Variants in ATM observed in about 807,000 individuals in gnomAD.
ATM encodes ATM serine/threonine kinase, also known as serine-protein kinase ATM.
ATM carries 308 observed loss-of-function variants against 387.0 expected under a neutral mutation model. The ratio of observed to expected loss-of-function variants is 0.80; its 90% CI spans 0.73 to 0.87. The LOEUF is 0.87. ATM is among the 40% of genes least tolerant of loss of function. The pLI, the probability that ATM is intolerant of heterozygous loss-of-function variation, is 0.00. For synonymous variants in ATM, 1,156 were observed against 1,187.3 expected (o/e 0.97, Z 0.54); for missense variants, 3,312 against 3,560.9 (o/e 0.93, Z 1.78).
intron 4 of ATM, chr11:108,230,880 T>C (rs1565349637): frequency 6.6e-6 from 1 of 152,214 alleles, no homozygotes. Context: ...TTTTGTATTT[T>C]TAATAGAGAC....
At chr11:108,343,086 C>A in intron 56 of ATM, 136 bp from the exon 57 acceptor site, 1 of 1,122,676 alleles carries the variant, frequency 8.9e-7, no homozygotes, top group Non-Finnish European at 1.3e-6. Flanking sequence ...CTCCAAGGAG[C>A]TTTGTCTTCT....
intron 59 of ATM, among the ~76,000 whole-genome samples, chr11:108,347,614 T>A (rs948250565): frequency 1.3e-5 from 2 of 152,022 alleles, no homozygotes; most frequent in African/African-American, 4.8e-5. Flanking sequence ...AAAGCATAAT[T>A]CAGACAGAAG....
intron 59 of ATM, among the ~76,000 whole-genome samples, chr11:108,352,875 A>G (rs995152603): frequency 6.6e-6 from 1 of 152,230 alleles, no homozygotes; most frequent in African/African-American, 2.4e-5. Flanking sequence ...TGACAAAATT[A>G]TAAAAATGGA....
At chr11:108,362,503 T>C (rs1435848015) in intron 61 of ATM, among the ~76,000 whole-genome samples, 68 of 149,502 alleles carry the variant, frequency 4.5e-4, no homozygotes, top group Non-Finnish European at 1.2e-4. Context: ...TGCACACGTA[T>C]GTTTATTGCG....
chr11:108,310,977 C>T (rs189342343), intron 39 of ATM, among the ~76,000 whole-genome samples: 7 of 152,138 alleles, frequency 4.6e-5, no homozygotes, highest in East Asian at 1.9e-4. Context: ...AATGTTTGTT[C>T]GTTTGAAATG....
chr11:108,291,231 G>A (rs1036026539), intron 29 of ATM, among the ~76,000 whole-genome samples: 2 of 151,936 alleles, frequency 1.3e-5, no homozygotes, highest in Non-Finnish European at 2.9e-5. Flanking sequence ...GCAAGACTCC[G>A]TCTCAAGAAA....
intron 43 of ATM, among the ~76,000 whole-genome samples, chr11:108,319,052 C>CT (rs1356123906): frequency 6.6e-6 from 1 of 151,946 alleles, no homozygotes; most frequent in Non-Finnish European, 1.5e-5. Flanking sequence ...TAGCATGCAT[C>CT]TGTAGTCCCA....
At chr11:108,260,795 A>C (rs2080822534) in intron 16 of ATM, among the ~76,000 whole-genome samples, 2 of 152,190 alleles carry the variant, frequency 1.3e-5, no homozygotes, top group South Asian at 4.1e-4. Context: ...ACCGTGCGCG[A>C]GCCGAAGCAG....
Position 108,353,785 on chromosome 11 carries a change from C to T in ATM, c.8691C>T (p.Gly2897=), listed in dbSNP as rs1555142814. 1 of 1,613,798 alleles carries T rather than the reference C, an allele frequency of 6.2e-7. No individual in the cohort carries two copies. Among genetic ancestry groups the T allele is most frequent in the African/African-American group, 1.3e-5 (1 of 74,898 alleles). The part of the protein sequence containing the change: ...HIDLGVAFEQ[G]KILPTPETVP... ...CTTTAGGTGTTGCTTTTGAACAGGG[C>T]AAAATCCTTCCTACTCCTGAGACAG... Residue 2897 remains glycine, a synonymous_variant, in exon 60 of 63, where the codon GGC becomes GGT. Transcript: ENST00000675843.
At chr11:108,294,864 T>C (rs1315571018) in intron 31 of ATM, 63 bp from the exon 32 acceptor site, 2 of 1,592,438 alleles carry the variant, frequency 1.3e-6, no homozygotes, top group African/African-American at 2.7e-5. Context: ...TTTTCTTTTA[T>C]TAAGTTTTAT....
intron 36 of ATM, among the ~76,000 whole-genome samples, chr11:108,303,961 A>T (rs1307529283): frequency 2.0e-5 from 3 of 152,204 alleles, no homozygotes; most frequent in Admixed American, 2.0e-4. Context: ...TTGAAAAAGA[A>T]AAAGGGTGCA....
At chr11:108,293,894 A>AAAAAT (rs1491178678) in intron 31 of ATM, among the ~76,000 whole-genome samples, 1 of 83,708 alleles carries the variant, frequency 1.2e-5, no homozygotes, top group Admixed American at 1.6e-4. Context: ...AAAAAAAAAA[A>AAAAAT]ATATATATAT....
intron 16 of ATM, among the ~76,000 whole-genome samples, chr11:108,264,650 G>C (rs1446697868): frequency 7.1e-6 from 1 of 140,448 alleles, no homozygotes; most frequent in Non-Finnish European, 1.5e-5. Flanking sequence ...GGCAGGAGAA[G>C]GAAATAAAGG....
chr11:108,330,271 G>C lies in ATM; in HGVS notation c.7365G>C (p.Leu2455=), dbSNP rs756506590. Residue 2455 remains leucine, a synonymous_variant, in exon 50 of 63, where the codon CTG becomes CTC. Coordinates refer to ENST00000675843, the MANE Select transcript of ATM (RefSeq NM_000051.4). The part of the protein sequence containing the change: ...LELDELALRA[L]KEDRKRFLCK... ...TGGATGAATTAGCCCTGCGTGCACT[G>C]AAAGAGGATCGTAAACGCTTCTTAT... The C allele has an allele frequency of 1.2e-6, 2 of 1,614,198 alleles. No individual in the cohort carries two copies. The highest frequency in any genetic ancestry group is 2.2e-5 in the South Asian group (2 of 91,082).
intron 9 of ATM, 76 bp from the exon 10 acceptor site, chr11:108,250,625 C>T (rs2135312558): frequency 7.0e-7 from 1 of 1,422,642 alleles, no homozygotes; most frequent in Non-Finnish European, 9.7e-7. Context: ...TGTAAGAGTA[C>T]CATGTCTATA....
chr11:108,247,363 G>A (rs1002394261), intron 8 of ATM, among the ~76,000 whole-genome samples: 1 of 151,874 alleles, frequency 6.6e-6, no homozygotes, highest in South Asian at 2.1e-4. Context: ...TTAAATGATT[G>A]TCTCTAGGAA....
intron 43 of ATM, 38 bp downstream of exon 43, chr11:108,317,559 C>T (rs2084800621): frequency 1.3e-6 from 2 of 1,552,874 alleles, no homozygotes; most frequent in Non-Finnish European, 1.7e-6. Flanking sequence ...TTTTGCCTCT[C>T]TCCTCATTCT....
At chr11:108,231,245 A>G (rs2078998431) in intron 4 of ATM, among the ~76,000 whole-genome samples, 1 of 152,168 alleles carries the variant, frequency 6.6e-6, no homozygotes, top group African/African-American at 2.4e-5. Flanking sequence ...TATTGTGAAG[A>G]GTTGATTTTT....
At chr11:108,344,815 G>A (rs921120813) in intron 57 of ATM, among the ~76,000 whole-genome samples, 2 of 151,906 alleles carry the variant, frequency 1.3e-5, no homozygotes, top group Non-Finnish European at 2.9e-5. Flanking sequence ...ACCAGCCTGG[G>A]AAACATAGTG....
Sources: allele counts gnomAD v4.1 joint callset (sites outside exome capture counted in the v4.1 genomes callset), GRCh38; gene constraint gnomAD v4.1.1; transcripts MANE v1.5; gene names NCBI Gene and HGNC (gene_info 2026-07-23, HGNC 2026-07-21).